Variants in NOS1 observed in about 807,000 individuals in gnomAD.
NOS1 encodes the protein NOS type I.
In NOS1, 51 loss-of-function variants were observed where a neutral mutation model predicts 164.5. That is an observed-to-expected ratio of 0.31 (90% CI 0.25 to 0.39). NOS1 has a LOEUF of 0.39. NOS1 is among the 10% of genes least tolerant of loss of function. The pLI is 1.00. For missense variants in NOS1, 1,362 were observed against 1,885.6 expected, an observed-to-expected ratio of 0.72 and a Z score of 5.14; for synonymous variants, 719 against 745.8, an observed-to-expected ratio of 0.96 and a Z score of 0.59.
intron 14 of NOS1, among the ~76,000 whole-genome samples, chr12:117,259,842 G>C (rs532721173): frequency 6.6e-6 from 1 of 151,624 alleles, no homozygotes; most frequent in Non-Finnish European, 1.5e-5. Context: ...CGAGCTGGCC[G>C]GGTGCGGTGG....
chr12:117,272,285 A>T lies in NOS1; in HGVS notation c.1839+100T>A. 1.5e-6 allele frequency: 2 copies of T among 1,318,052 alleles called. No individual in the cohort carries two copies. The highest frequency in any genetic ancestry group is 1.2e-5 in the South Asian group (1 of 82,410). 81.6% of individuals were successfully genotyped at this position (1,318,052 alleles called of 1,614,324 possible). ...ATTGCAATTCTATTCTAACCCCTTC[A>T]AGTTTCCAAGCCACCAAGCTCGCCG... is the stretch of plus-strand genomic sequence containing the variant. On this transcript the variant is annotated intron_variant, in intron 10 of 28. Transcript: ENST00000317775. The surrounding 1 kb of genome is among the most constrained non-coding windows in gnomAD (Gnocchi z 4.3).
At chr12:117,319,100 A>G (rs1423661172) in intron 2 of NOS1, among the ~76,000 whole-genome samples, 1 of 152,178 alleles carries the variant, frequency 6.6e-6, no homozygotes, top group Non-Finnish European at 1.5e-5. Context: ...CAAGGTCTCT[A>G]AAGTACAGTG....
intron 2 of NOS1, among the ~76,000 whole-genome samples, chr12:117,317,563 C>T (rs1874723270): frequency 6.6e-6 from 1 of 151,666 alleles, no homozygotes; most frequent in Admixed American, 6.6e-5. Flanking sequence ...TTGAGAGGCA[C>T]TCTCAGTGGT....
intron 11 of NOS1, among the ~76,000 whole-genome samples, chr12:117,265,876 T>C (rs879748165): frequency 5.4e-4 from 82 of 151,864 alleles, no homozygotes; most frequent in Non-Finnish European, 9.0e-4. Context: ...CTGCAAGCTC[T>C]GCCTCCCGGG....
chr12:117,265,265 A>C (rs770883978), intron 12 of NOS1, 51 bp downstream of exon 12: 76 of 1,448,566 alleles, frequency 5.2e-5, no homozygotes, highest in Non-Finnish European at 6.4e-5. Context: ...TGTGACACAC[A>C]CACCAGATAC....
intron 25 of NOS1, 110 bp downstream of exon 25, chr12:117,224,906 C>T (rs1430913704): frequency 5.0e-6 from 7 of 1,413,414 alleles, no homozygotes; most frequent in Non-Finnish European, 6.0e-6. Context: ...TTTTCTGAGG[C>T]GGTGATGCCG....
At chr12:117,240,941 CTTTTTT>C (rs11398507) in intron 20 of NOS1, among the ~76,000 whole-genome samples, 1 of 138,976 alleles carries the variant, frequency 7.2e-6, no homozygotes, top group Non-Finnish European at 1.6e-5. Context: ...TTTTCTTTTT[CTTTTTT>C]TTTTTTTTTT....
chr12:117,317,265 G>C (rs1005804723), intron 2 of NOS1, among the ~76,000 whole-genome samples: 1 of 151,860 alleles, frequency 6.6e-6, no homozygotes, highest in African/African-American at 2.4e-5. Flanking sequence ...GAGATGTCTG[G>C]ATGGTAACTC....
intron 2 of NOS1, among the ~76,000 whole-genome samples, chr12:117,322,766 C>A: frequency 7.0e-6 from 1 of 142,746 alleles, no homozygotes; most frequent in African/African-American, 2.6e-5. Context: ...TCCCTCCTTC[C>A]TTCCCTCTCT....
At position 117,277,477 on chromosome 12, in the gene NOS1, C is replaced by A. The variant is rs533853286; in HGVS notation, c.1664+482G>T. Among the ~76,000 whole-genome samples the A allele has an allele frequency of 4.6e-5, 7 of 151,964 alleles. No individual in the cohort carries two copies. In the East Asian group the frequency reaches 1.4e-3, roughly 30 times the overall value. On this transcript the variant is annotated intron_variant, in intron 9 of 28. Transcript: ENST00000317775. ...GTGTGTGGCTGTAACCCTATAATCC[C>A]AGCTACTTGCAGGGGTTGAGGTGGG...
intron 17 of NOS1, among the ~76,000 whole-genome samples, chr12:117,247,770 C>T (rs1271765569): frequency 6.6e-6 from 1 of 151,890 alleles, no homozygotes; most frequent in Non-Finnish European, 1.5e-5. Context: ...CACGGTGAAA[C>T]CCCGTCTCTA....
In NOS1 at chr12:117,208,497, G is replaced by A. The variant is rs1013362689; in HGVS notation, c.*6812C>T. ...CGGACACTGCGACGTGGGGTGCCCGGCACCGCTCTTTGGGCCTTCTGGAAA... is the reference window on the plus strand; with the variant it reads ...CGGACACTGCGACGTGGGGTGCCCGACACCGCTCTTTGGGCCTTCTGGAAA... On this transcript the variant is annotated 3_prime_UTR_variant, in exon 29 of 29. Transcript: ENST00000317775. 2 of 1,247,170 alleles carry A rather than the reference G, an allele frequency of 1.6e-6. No homozygotes were observed. Among genetic ancestry groups the A allele is most frequent in the Non-Finnish European group, 2.1e-6 (2 of 964,242 alleles). The allele number at this position is 1,247,170 out of a possible 1,614,324, so 77.3% of individuals were successfully genotyped here.
chr12:117,351,130 A>G (rs897850741), intron 1 of NOS1, among the ~76,000 whole-genome samples: 22 of 152,238 alleles, frequency 1.4e-4, no homozygotes, highest in East Asian at 7.7e-4. Context: ...AGAAGAAGAA[A>G]AAAAAAAGTC....
At chr12:117,361,235 G>T (rs1221293089) in intron 1 of NOS1, among the ~76,000 whole-genome samples, 2 of 151,926 alleles carry the variant, frequency 1.3e-5, no homozygotes, top group East Asian at 3.9e-4. Context: ...CCGCGCTCCG[G>T]GTTCTGAATC....
At chr12:117,301,685 C>G (rs1354204535) in intron 3 of NOS1, among the ~76,000 whole-genome samples, 1 of 152,122 alleles carries the variant, frequency 6.6e-6, no homozygotes. Flanking sequence ...TTTCCACAGC[C>G]CGGCCCCCAG....
Position 117,212,099 on chromosome 12 carries a change from G to A in NOS1, c.*3210C>T. 1.0e-6 allele frequency: 1 copy of A among 985,190 alleles called. No homozygotes were observed. Among genetic ancestry groups the A allele is most frequent in the Non-Finnish European group, 1.2e-6 (1 of 829,798 alleles). The allele number at this position is 985,190 out of a possible 1,614,324, so 61.0% of individuals were successfully genotyped here. A position where few individuals can be genotyped will look rare whatever the true frequency, so the allele number is the denominator to read the frequency against. ...ATAGATTCTAACCTTCTGCACGAGA[G>A]GAACTGTGTTTTGCTTATCTCTGCA... On this transcript the variant is annotated 3_prime_UTR_variant, in exon 29 of 29. Transcript: ENST00000317775.
chr12:117,268,169 A>G, intron 10 of NOS1, 25 bp from the exon 11 acceptor site: 1 of 1,492,558 alleles, frequency 6.7e-7, no homozygotes, highest in Non-Finnish European at 9.4e-7. Flanking sequence ...AAACACAGAT[A>G]TACAGGCTGG....
chr12:117,351,008 G>T (rs377625712), intron 1 of NOS1, among the ~76,000 whole-genome samples: 8 of 152,332 alleles, frequency 5.3e-5, no homozygotes, highest in Middle Eastern at 3.4e-3. Context: ...CAGCTACCCA[G>T]GAGGCTGATG....
Position 117,209,295 on chromosome 12 carries a change from T to C in NOS1, c.*6014A>G, listed in dbSNP as rs1238556101. 1.0e-6 allele frequency: 1 copy of C among 959,502 alleles called. No homozygotes were observed. The highest frequency in any genetic ancestry group is 1.2e-6 in the Non-Finnish European group (1 of 806,386). 59.4% of individuals were successfully genotyped at this position (959,502 alleles called of 1,614,324 possible). A position where few individuals can be genotyped will look rare whatever the true frequency, so the allele number is the denominator to read the frequency against. On this transcript the variant is annotated 3_prime_UTR_variant, in exon 29 of 29. Transcript: ENST00000317775. ...ACCGTTGGCAGGACACTGCTACAGG[T>C]ATCTTGTGGATGGAGGCCAGGAATG...
Sources: gnomAD v4.1 joint callset for allele counts (sites outside exome capture counted in the v4.1 genomes callset) on GRCh38, gnomAD v4.1.1 for gene constraint, Gnocchi (gnomAD v3.1) non-coding constraint, MANE v1.5 for transcripts, NCBI Gene and HGNC (gene_info 2026-07-23, HGNC 2026-07-21) for gene names.